Variants in ELOVL6 observed in about 807,000 individuals in gnomAD.
ELOVL6 encodes very long chain fatty acid elongase 6.
A neutral mutation model predicts 31.7 loss-of-function variants in ELOVL6; 8 were observed. That is an observed-to-expected ratio of 0.25 (90% confidence interval 0.15 to 0.45). The LOEUF (loss-of-function observed/expected upper bound fraction) is 0.45, where lower values mean the gene tolerates loss of function less well. Ranked by LOEUF, ELOVL6 falls within the 20% of genes least tolerant of loss-of-function variation. The pLI is 1.00. For missense variants in ELOVL6, 126 were observed against 326.4 expected, an observed-to-expected ratio of 0.39 and a Z score of 4.73; for synonymous variants, 101 against 117.7, an observed-to-expected ratio of 0.86 and a Z score of 0.92.
chr4:110,118,037 C>A, intron 1 of ELOVL6: 1 of 136,770 alleles, frequency 7.3e-6, no homozygotes. Context: ...CGGCTCACTG[C>A]AACCTCCGCC....
At chr4:110,088,899 T>G (rs1756343201) in intron 2 of ELOVL6, among the ~76,000 whole-genome samples, 1 of 152,104 alleles carries the variant, frequency 6.6e-6, no homozygotes, top group South Asian at 2.1e-4. Flanking sequence ...CTGTATAAAT[T>G]GTTTGTTTCT....
intron 2 of ELOVL6, among the ~76,000 whole-genome samples, chr4:110,103,300 A>C (rs1035287657): frequency 6.6e-6 from 1 of 152,184 alleles, no homozygotes; most frequent in Non-Finnish European, 1.5e-5. Flanking sequence ...TTGTAATTAA[A>C]GAAAAAAAAA....
chr4:110,164,674 A>G (rs1447698182), intron 1 of ELOVL6, among the ~76,000 whole-genome samples: 2 of 150,630 alleles, frequency 1.3e-5, no homozygotes, highest in Non-Finnish European at 3.0e-5. Flanking sequence ...CAGGGAGGTC[A>G]AGGCTACAAT....
chr4:110,108,157 C>T (rs1756936146), intron 1 of ELOVL6, among the ~76,000 whole-genome samples: 1 of 152,162 alleles, frequency 6.6e-6, no homozygotes, highest in Admixed American at 6.5e-5. Context: ...AGCTTTCATC[C>T]AAACCCTCTT....
At chr4:110,099,427 G>T (rs777073863) in intron 2 of ELOVL6, among the ~76,000 whole-genome samples, 6 of 152,108 alleles carry the variant, frequency 3.9e-5, no homozygotes, top group African/African-American at 1.2e-4. Flanking sequence ...TTACAATGAG[G>T]TTCAACAGGA....
intron 2 of ELOVL6, among the ~76,000 whole-genome samples, chr4:110,074,003 T>C (rs1449455354): frequency 6.6e-6 from 1 of 152,188 alleles, no homozygotes; most frequent in Non-Finnish European, 1.5e-5. Context: ...AGAAGACAAA[T>C]GCAATGGGAG....
chr4:110,173,057 A>G (rs960909611), intron 1 of ELOVL6, among the ~76,000 whole-genome samples: 2 of 152,210 alleles, frequency 1.3e-5, no homozygotes, highest in Admixed American at 1.3e-4. Flanking sequence ...TGTGTAATAA[A>G]GACAAAAAGC....
At chr4:110,084,682 C>T (rs1266948074) in intron 2 of ELOVL6, among the ~76,000 whole-genome samples, 2 of 144,076 alleles carry the variant, frequency 1.4e-5, no homozygotes, top group African/African-American at 5.2e-5. Context: ...GCAACCTCCA[C>T]CTCCCGAGTT....
chr4:110,177,968 G>GT (rs1157472091), intron 1 of ELOVL6, among the ~76,000 whole-genome samples: 1 of 152,090 alleles, frequency 6.6e-6, no homozygotes. Context: ...TAAAACAATT[G>GT]TAATACTATT....
intron 2 of ELOVL6, among the ~76,000 whole-genome samples, chr4:110,090,206 T>C (rs1429974808): frequency 2.0e-5 from 3 of 152,188 alleles, no homozygotes; most frequent in Non-Finnish European, 4.4e-5. Flanking sequence ...TTCTCACTAA[T>C]TCCTCATAAA....
intron 1 of ELOVL6, chr4:110,117,903 A>AAAAAATATATATATATATATATATATAT: frequency 1.5e-4 from 1 of 6,506 alleles, no homozygotes; most frequent in Non-Finnish European, 3.7e-4. Flanking sequence ...AAAAAAAAAA[A>AAAAAATATATATATATATATATATATAT]ATATATATAT....
At chr4:110,151,461 G>T (rs527400051) in intron 1 of ELOVL6, among the ~76,000 whole-genome samples, 5 of 152,232 alleles carry the variant, frequency 3.3e-5, no homozygotes, top group African/African-American at 1.2e-4. Context: ...AAAAGTTTCG[G>T]AGTTGAAGCA....
At chr4:110,127,715 G>T (rs1030739766) in intron 1 of ELOVL6, among the ~76,000 whole-genome samples, 3 of 152,084 alleles carry the variant, frequency 2.0e-5, no homozygotes, top group Non-Finnish European at 4.4e-5. Flanking sequence ...TATCTATCAT[G>T]ACCAAGAAGA....
intron 2 of ELOVL6, among the ~76,000 whole-genome samples, chr4:110,071,805 G>T (rs931957441): frequency 6.6e-6 from 1 of 152,176 alleles, no homozygotes; most frequent in African/African-American, 2.4e-5. Flanking sequence ...GGTATGAAAA[G>T]ATACTCCTTT....
chr4:110,191,911 C>T (rs1192874487), intron 1 of ELOVL6, among the ~76,000 whole-genome samples: 1 of 152,122 alleles, frequency 6.6e-6, no homozygotes, highest in Non-Finnish European at 1.5e-5. Flanking sequence ...TTCCTCTGGC[C>T]GGGCATGGTG....
intron 1 of ELOVL6, among the ~76,000 whole-genome samples, chr4:110,172,522 C>T (rs566957024): frequency 6.6e-6 from 1 of 152,184 alleles, no homozygotes; most frequent in African/African-American, 2.4e-5. Context: ...TTGCCTGGAC[C>T]TCCTGCAAAG....
chr4:110,091,286 A>G (rs1437381825), intron 2 of ELOVL6, among the ~76,000 whole-genome samples: 2 of 152,168 alleles, frequency 1.3e-5, no homozygotes, highest in East Asian at 1.9e-4. Context: ...GTCTCAGTAA[A>G]CATGTATAAG....
At chr4:110,176,230 T>A (rs769954285) in intron 1 of ELOVL6, among the ~76,000 whole-genome samples, 2 of 152,142 alleles carry the variant, frequency 1.3e-5, no homozygotes, top group Non-Finnish European at 2.9e-5. Context: ...TGGCGTGATC[T>A]TGGCTCACTG....
intron 1 of ELOVL6, among the ~76,000 whole-genome samples, chr4:110,132,724 C>T (rs924265443): frequency 8.6e-5 from 13 of 151,996 alleles, no homozygotes; most frequent in Admixed American, 6.5e-5. Flanking sequence ...GCTGTAATCC[C>T]AGCTACTTGG....
Sources: allele counts gnomAD v4.1 joint callset (sites outside exome capture counted in the v4.1 genomes callset), GRCh38; gene constraint gnomAD v4.1.1; transcripts MANE v1.5; gene names NCBI Gene and HGNC (gene_info 2026-07-23, HGNC 2026-07-21).